NRG2: variants seen among roughly 807,000 people sequenced by gnomAD.
The protein encoded by NRG2 is pro-neuregulin-2, membrane-bound isoform.
In NRG2, 27 loss-of-function variants were observed where a neutral mutation model predicts 73.9. That is an observed-to-expected ratio of 0.37 (90% CI 0.27 to 0.50). NRG2 has a LOEUF of 0.50. Among genes scored for constraint, NRG2 ranks in the 20% least tolerant of loss-of-function variants. The pLI is 0.96. For synonymous variants in NRG2, 532 were observed against 541.0 expected, an observed-to-expected ratio of 0.98 and a Z score of 0.23; for missense variants, 1,126 against 1,210.1, an observed-to-expected ratio of 0.93 and a Z score of 1.03.
At chr5:139,884,545 G>T (rs1199073711) in intron 2 of NRG2, among the ~76,000 whole-genome samples, 1 of 152,222 alleles carries the variant, frequency 6.6e-6, no homozygotes, top group Non-Finnish European at 1.5e-5. Flanking sequence ...ACATGTTCCT[G>T]TTAGAAAGAT....
intron 1 of NRG2, among the ~76,000 whole-genome samples, chr5:139,918,929 A>C (rs1392091104): frequency 6.6e-6 from 1 of 152,240 alleles, no homozygotes; most frequent in Non-Finnish European, 1.5e-5. Context: ...AGGAGGGAGC[A>C]AAACAGTCGA....
rs34122778 is a variant in NRG2 at position 140,029,687 on chromosome 5, C to CAAAAAAAAAAAAA, written c.700+12670_700+12682dup. On this transcript the variant is annotated intron_variant, in intron 1 of 9. Transcript: ENST00000361474. ...TGGGTGACAGAGCAAGACTCTGTCT[C>CAAAAAAAAAAAAA]AAAAAAAAAAAAAAAAGCTCCAGCG... Among the ~76,000 whole-genome samples, 34 of 61,262 alleles carry CAAAAAAAAAAAAA rather than the reference C, an allele frequency of 5.5e-4. 3 individuals are homozygous for CAAAAAAAAAAAAA. Among genetic ancestry groups the CAAAAAAAAAAAAA allele is most frequent in the East Asian group, 1.0e-3 (2 of 1,962 alleles). The allele number at this position is 61,262 out of a possible 152,430, so 40.2% of individuals were successfully genotyped here.
intron 1 of NRG2, among the ~76,000 whole-genome samples, chr5:140,005,659 A>T (rs1445526852): frequency 1.3e-5 from 2 of 152,216 alleles, no homozygotes; most frequent in Non-Finnish European, 2.9e-5. Context: ...CCAGAACTGC[A>T]TGGAGCCAAT....
chr5:140,037,907 CAAAAAA>C (rs748112690), intron 1 of NRG2, among the ~76,000 whole-genome samples: 2 of 59,006 alleles, frequency 3.4e-5, no homozygotes, highest in Non-Finnish European at 6.4e-5. Flanking sequence ...GACTCCATCT[CAAAAAA>C]AAAAAAAAAA....
chr5:139,892,155 G>A (rs928585956), intron 1 of NRG2, among the ~76,000 whole-genome samples: 1 of 152,188 alleles, frequency 6.6e-6, no homozygotes, highest in Admixed American at 6.5e-5. Context: ...AGGGGGCAGT[G>A]GCAGCAGCTC....
At chr5:140,020,282 G>A (rs769149578) in intron 1 of NRG2, among the ~76,000 whole-genome samples, 4 of 152,190 alleles carry the variant, frequency 2.6e-5, no homozygotes, top group African/African-American at 7.2e-5. Flanking sequence ...AAAGAAACAA[G>A]TACACACTTC....
At chr5:139,935,538 AT>A (rs1752782161) in intron 1 of NRG2, among the ~76,000 whole-genome samples, 1 of 152,264 alleles carries the variant, frequency 6.6e-6, no homozygotes, top group Admixed American at 6.5e-5. Flanking sequence ...ATAGAATTAA[AT>A]TAGAAATCAA....
At chr5:140,021,917 C>T (rs1760263028) in intron 1 of NRG2, among the ~76,000 whole-genome samples, 1 of 152,180 alleles carries the variant, frequency 6.6e-6, no homozygotes, top group Non-Finnish European at 1.5e-5. Flanking sequence ...ACAGTCAGAC[C>T]TCCAGGAGTC....
chr5:139,887,514 G>A lies in NRG2; in HGVS notation c.701-3C>T, dbSNP rs766124651. On this transcript the variant is annotated splice_region_variant and splice_polypyrimidine_tract_variant and intron_variant, in intron 1 of 9. Coordinates refer to ENST00000361474, the MANE Select transcript of NRG2 (RefSeq NM_004883.3). The surrounding 1 kb of genome is among the most constrained non-coding windows in gnomAD (Gnocchi z 4.5). ...CTTCTTCAACTTGGGCCGGGTGGCT[G>A]TGGGTTACAAGGCAGGTAGGTGAGC... 1 of 1,613,902 alleles carries A rather than the reference G, an allele frequency of 6.2e-7. No homozygotes were observed. Among genetic ancestry groups the A allele is most frequent in the Non-Finnish European group, 8.5e-7 (1 of 1,179,896 alleles).
chr5:139,863,559 G>A (rs138176560), intron 5 of NRG2, among the ~76,000 whole-genome samples: 183 of 152,310 alleles, frequency 1.2e-3, no homozygotes, highest in Non-Finnish European at 1.6e-3. Flanking sequence ...TCTGATTCAG[G>A]ACAGGCTGGG....
intron 1 of NRG2, among the ~76,000 whole-genome samples, chr5:139,888,233 C>G (rs770683687): frequency 6.6e-6 from 1 of 152,192 alleles, no homozygotes; most frequent in South Asian, 2.1e-4. Flanking sequence ...TAGTCCCTTA[C>G]AGGATACACA....
At chr5:139,973,805 G>A (rs780537333) in intron 1 of NRG2, among the ~76,000 whole-genome samples, 1 of 152,154 alleles carries the variant, frequency 6.6e-6, no homozygotes, top group Non-Finnish European at 1.5e-5. Flanking sequence ...GTAGACAGCT[G>A]TCGTGATTGC....
intron 1 of NRG2, among the ~76,000 whole-genome samples, chr5:140,012,066 T>TGA (rs1412946404): frequency 6.6e-6 from 1 of 152,194 alleles, no homozygotes; most frequent in African/African-American, 2.4e-5. Flanking sequence ...CCTGGGGCAA[T>TGA]GAATCTCCTT....
chr5:139,982,930 C>T (rs1374414275), intron 1 of NRG2, among the ~76,000 whole-genome samples: 1 of 152,234 alleles, frequency 6.6e-6, no homozygotes. Flanking sequence ...CAGTTCCTCT[C>T]CCCTTGCTGC....
rs143062943 is a variant in NRG2, at chr5:139,855,595, G to A, written c.1292+81C>T. ...TATAGAGGGCTCCAGTGGGGTGGGG[G>A]AGGAAAGTCTTCTTCACACACATTC... On this transcript the variant is annotated intron_variant, in intron 6 of 9. Transcript: ENST00000361474. 2.7e-4 allele frequency: 320 copies of A among 1,201,394 alleles called. No homozygotes were observed. The African/African-American group carries it at 3.6e-3, about 14-fold the overall frequency. 74.4% of individuals were successfully genotyped at this position (1,201,394 alleles called of 1,614,324 possible).
At chr5:139,966,475 C>T (rs576543087) in intron 1 of NRG2, among the ~76,000 whole-genome samples, 2 of 152,224 alleles carry the variant, frequency 1.3e-5, no homozygotes, top group East Asian at 3.9e-4. Flanking sequence ...GAGGTAAGAT[C>T]AGAGGACCCA....
intron 5 of NRG2, among the ~76,000 whole-genome samples, chr5:139,860,212 C>T (rs1283796739): frequency 2.6e-5 from 4 of 152,172 alleles, no homozygotes; most frequent in Admixed American, 2.0e-4. Context: ...GGCAGAGGCG[C>T]AAGAGTCAGT....
intron 1 of NRG2, among the ~76,000 whole-genome samples, chr5:140,007,012 C>T (rs1758957066): frequency 6.6e-6 from 1 of 152,128 alleles, no homozygotes; most frequent in South Asian, 2.1e-4. Flanking sequence ...TGGTCCTTAA[C>T]TGGGGTGATT....
At chr5:139,977,132 T>C (rs1394564458) in intron 1 of NRG2, among the ~76,000 whole-genome samples, 1 of 152,220 alleles carries the variant, frequency 6.6e-6, no homozygotes, top group East Asian at 1.9e-4. Context: ...TATTGGTTCA[T>C]TAATTATAAC....
Sources: allele counts gnomAD v4.1 joint callset (sites outside exome capture counted in the v4.1 genomes callset), GRCh38; gene constraint gnomAD v4.1.1; non-coding constraint Gnocchi (gnomAD v3.1); transcripts MANE v1.5; gene names NCBI Gene and HGNC (gene_info 2026-07-23, HGNC 2026-07-21).